Variants in LNPEP observed in about 807,000 individuals in gnomAD.
The protein encoded by LNPEP is leucyl and cystinyl aminopeptidase.
Under a neutral mutation model 120.6 loss-of-function variants are expected in LNPEP, and 64 were observed. The ratio of observed to expected loss-of-function variants is 0.53; its 90% CI spans 0.43 to 0.65. LNPEP has a LOEUF of 0.65. LNPEP is among the 30% of genes least tolerant of loss of function. LNPEP has a pLI of 0.00. For missense variants in LNPEP, 1,057 were observed against 1,200.0 expected, an observed-to-expected ratio of 0.88 and a Z score of 1.76; for synonymous variants, 435 against 425.4, an observed-to-expected ratio of 1.02 and a Z score of -0.28.
intron 2 of LNPEP, among the ~76,000 whole-genome samples, chr5:96,982,466 G>A (rs1790149028): frequency 6.6e-6 from 1 of 152,224 alleles, no homozygotes; most frequent in Non-Finnish European, 1.5e-5. Flanking sequence ...GGATTTTTAT[G>A]TGAGATAGTT....
chr5:96,989,174 A>G (rs1466066278), intron 4 of LNPEP, among the ~76,000 whole-genome samples: 3 of 150,038 alleles, frequency 2.0e-5, no homozygotes, highest in African/African-American at 7.4e-5. Context: ...TAGACAGCTT[A>G]CTAGCTATGG....
chr5:97,010,931 A>G (rs1790910054), intron 11 of LNPEP: 1 of 985,432 alleles, frequency 1.0e-6, no homozygotes, highest in Non-Finnish European at 1.2e-6. Flanking sequence ...GATTCTTTAA[A>G]TGATAACTCT....
rs1790451764 is a variant in LNPEP at position 96,994,026 on chromosome 5, G to A, written c.1407+55G>A. On this transcript the variant is annotated intron_variant, in intron 6 of 17. Coordinates refer to ENST00000231368, the MANE Select transcript of LNPEP (RefSeq NM_005575.3). Reference sequence around the variant, plus strand: ...CACCTGTGGTCTACTTCATGTCCTGGAGTTATTGTTAGCATTTAGATGCTA... The same window carrying A: ...CACCTGTGGTCTACTTCATGTCCTGAAGTTATTGTTAGCATTTAGATGCTA... 3 of 1,447,222 alleles carry A rather than the reference G, an allele frequency of 2.1e-6. No individual in the cohort carries two copies. The Admixed American group carries it at 6.2e-5, about 30-fold the overall frequency. 89.6% of individuals were successfully genotyped at this position (1,447,222 alleles called of 1,614,324 possible).
At chr5:97,011,130 T>C (rs1225523163) in intron 11 of LNPEP, 50 of 985,250 alleles carry the variant, frequency 5.1e-5, no homozygotes, top group Non-Finnish European at 5.7e-5. Context: ...ATCCATCTAG[T>C]GGAACAATTG....
In LNPEP at chr5:96,996,520, TTTGGCC is replaced by T; in HGVS notation, c.1521+19_1521+24del. The T allele has an allele frequency of 1.6e-6, 2 of 1,277,994 alleles. No individual in the cohort carries two copies. The highest frequency in any genetic ancestry group is 1.2e-5 in the South Asian group (1 of 83,434). The allele number at this position is 1,277,994 out of a possible 1,614,324, so 79.2% of individuals were successfully genotyped here. ...CTTTCTAGTGTAAGTACAGGGTTTC[TTTGGCC>T]TACTATGAATGCTAGGAGGAAAAAT... On this transcript the variant is annotated intron_variant, in intron 7 of 17. Coordinates refer to ENST00000231368, the MANE Select transcript of LNPEP (RefSeq NM_005575.3).
chr5:96,980,888 A>G (rs1478467056), intron 2 of LNPEP, among the ~76,000 whole-genome samples: 1 of 152,198 alleles, frequency 6.6e-6, no homozygotes, highest in Non-Finnish European at 1.5e-5. Flanking sequence ...GGAGAAAGAG[A>G]CCAAGCAAGA....
chr5:97,023,386 TG>T, intron 14 of LNPEP, among the ~76,000 whole-genome samples: 1 of 152,244 alleles, frequency 6.6e-6, no homozygotes, highest in South Asian at 2.1e-4. Flanking sequence ...CCGGAGTAGC[TG>T]GGATTACAGG....
rs1789417391 is a variant in LNPEP at position 96,954,770 on chromosome 5, A to ATTTTTTTTTT, written c.19+18597_19+18598insTTTTTTTTTT. On this transcript the variant is annotated intron_variant, in intron 1 of 17. Transcript: ENST00000231368. The stretch of plus-strand genomic sequence containing the variant: ...TACACATATATATATATATATATAT[A>ATTTTTTTTTT]TATTTTTTTTTTTTTTTTTTTTTTT... Among the ~76,000 whole-genome samples the ATTTTTTTTTT allele has an allele frequency of 1.7e-4, 5 of 29,490 alleles. 1 individual carries two copies. The highest frequency in any genetic ancestry group is 5.3e-4 in the Admixed American group (1 of 1,892). The allele number at this position is 29,490 out of a possible 152,430, so 19.3% of individuals were successfully genotyped here. A position where few individuals can be genotyped will look rare whatever the true frequency, so the allele number is the denominator to read the frequency against.
chr5:97,029,116 G>GT lies in LNPEP; in HGVS notation c.*584dup, dbSNP rs1288077551. On this transcript the variant is annotated 3_prime_UTR_variant, in exon 18 of 18. Coordinates refer to ENST00000231368, the MANE Select transcript of LNPEP (RefSeq NM_005575.3). ...CTGAAAAAAAGTTTAAATAATGTCT[G>GT]TAACTATTGTGTTTTTTTCCTGCCG... 2.0e-5 allele frequency: 3 copies of GT among 152,430 alleles called. No homozygotes were observed. The allele number at this position is 152,430 out of a possible 1,614,324, so 9.4% of individuals were successfully genotyped here.
chr5:96,944,443 C>T (rs938040945), intron 1 of LNPEP, among the ~76,000 whole-genome samples: 1 of 150,384 alleles, frequency 6.6e-6, no homozygotes, highest in Admixed American at 6.6e-5. Flanking sequence ...AGACAACAAT[C>T]AATACATGTA....
intron 4 of LNPEP, among the ~76,000 whole-genome samples, chr5:96,988,364 G>A (rs1183933564): frequency 8.1e-6 from 1 of 123,914 alleles, no homozygotes; most frequent in South Asian, 2.5e-4. Flanking sequence ...TTGAGACAGA[G>A]TCTCGCACTG....
chr5:97,006,699 A>G (rs1285973182), intron 11 of LNPEP, among the ~76,000 whole-genome samples, 184 bp downstream of exon 11: 3 of 152,246 alleles, frequency 2.0e-5, no homozygotes, highest in Admixed American at 6.5e-5. Context: ...GCTTTTAGCC[A>G]TGTGAAATAA....
At position 96,986,554 on chromosome 5, in the gene LNPEP, C is replaced by G. The variant is rs775557801; in HGVS notation, c.1015C>G (p.Leu339Val). The G allele has an allele frequency of 1.9e-6, 3 of 1,612,970 alleles. No individual in the cohort carries two copies. The highest frequency in any genetic ancestry group is 2.5e-6 in the Non-Finnish European group (3 of 1,179,354). The change falls in exon 4 of 18, where the codon CTA becomes GTA. Residue 339 changes from leucine to valine, a missense_variant. Physicochemically the swap from Leu to Val is conservative, Grantham distance 32. Coordinates refer to ENST00000231368, the MANE Select transcript of LNPEP (RefSeq NM_005575.3). The part of the protein sequence containing the change: ...SNMPKKSSVV[L>V]DDGLVQDEFS... ...TTGCTTGTAGAAGTCATCAGTCGTTCTAGATGATGGACTTGTTCAGGATGA... is the reference window on the plus strand; with the variant it reads ...TTGCTTGTAGAAGTCATCAGTCGTTGTAGATGATGGACTTGTTCAGGATGA...
intron 1 of LNPEP, among the ~76,000 whole-genome samples, chr5:96,968,119 A>G (rs138259796): frequency 9.3e-4 from 141 of 152,222 alleles, no homozygotes; most frequent in African/African-American, 3.3e-3. Flanking sequence ...GAAAGACTGT[A>G]TAGGCAAATA....
At chr5:96,957,731 C>T (rs1789504890) in intron 1 of LNPEP, among the ~76,000 whole-genome samples, 1 of 152,166 alleles carries the variant, frequency 6.6e-6, no homozygotes, top group Admixed American at 6.5e-5. Flanking sequence ...CTGTTGCTAT[C>T]TTGATTTTAG....
chr5:96,995,250 G>T (rs76594342), intron 6 of LNPEP, among the ~76,000 whole-genome samples: 3 of 152,082 alleles, frequency 2.0e-5, no homozygotes, highest in Non-Finnish European at 4.4e-5. Flanking sequence ...TCTGAAACAG[G>T]TTTTAAAATA....
intron 2 of LNPEP, among the ~76,000 whole-genome samples, chr5:96,981,347 A>G (rs1487194623): frequency 6.6e-6 from 1 of 152,190 alleles, no homozygotes; most frequent in Non-Finnish European, 1.5e-5. Context: ...CATTTTACTG[A>G]TACTTTTATT....
chr5:96,960,753 C>T (rs1383369529), intron 1 of LNPEP, among the ~76,000 whole-genome samples: 3 of 152,112 alleles, frequency 2.0e-5, no homozygotes, highest in African/African-American at 7.2e-5. Context: ...ATTATACAGT[C>T]TCTCATCTCA....
At chr5:96,984,312 A>G (rs1267388147) in intron 2 of LNPEP, among the ~76,000 whole-genome samples, 1 of 152,204 alleles carries the variant, frequency 6.6e-6, no homozygotes, top group Non-Finnish European at 1.5e-5. Context: ...CTAAAGACAT[A>G]AGTGATTAAC....
Sources: gnomAD v4.1 joint callset for allele counts (sites outside exome capture counted in the v4.1 genomes callset) on GRCh38, gnomAD v4.1.1 for gene constraint, MANE v1.5 for transcripts, NCBI Gene and HGNC (gene_info 2026-07-23, HGNC 2026-07-21) for gene names.